SLC22A23: variants seen among roughly 807,000 people sequenced by gnomAD.
SLC22A23 encodes the protein solute carrier family 22 member 23, also known as ion transporter protein.
SLC22A23 carries 26 observed loss-of-function variants against 61.0 expected under a neutral mutation model. The ratio of observed to expected loss-of-function variants is 0.43; its 90% confidence interval spans 0.31 to 0.59. The LOEUF is 0.59. Ranked by LOEUF, SLC22A23 falls within the 20% of genes least tolerant of loss-of-function variation. The pLI is 0.11. For missense variants in SLC22A23, 796 were observed against 934.7 expected (o/e 0.85, Z 1.94); for synonymous variants, 430 against 413.9 (o/e 1.04, Z -0.47).
rs2127391511 is a variant in SLC22A23 at position 3,318,147 on chromosome 6, C to T, written c.1082+5687G>A. On this transcript the variant is annotated intron_variant, in intron 4 of 9. Transcript: ENST00000406686. This position sits in a 1 kb window ranked among gnomAD's most constrained non-coding sequence, Gnocchi z 4.3. ...CCCTGGGGGTCACTTCATTCCAGAA[C>T]TCTGCAACCCTGCGGCTGCTGCCTA... Among the ~76,000 whole-genome samples, 1 of 152,322 alleles carries T rather than the reference C, an allele frequency of 6.6e-6. No homozygotes were observed. The highest frequency in any genetic ancestry group is 2.1e-4 in the South Asian group (1 of 4,832).
chr6:3,402,669 C>T (rs886571280), intron 3 of SLC22A23, among the ~76,000 whole-genome samples: 3 of 119,200 alleles, frequency 2.5e-5, no homozygotes, highest in Non-Finnish European at 3.6e-5. Context: ...ATAGCAAACA[C>T]CTATTCTCCC....
At chr6:3,284,474 G>A (rs545127143) in intron 8 of SLC22A23, among the ~76,000 whole-genome samples, 1 of 152,328 alleles carries the variant, frequency 6.6e-6, no homozygotes, top group Non-Finnish European at 1.5e-5. Flanking sequence ...CCGACCTCGC[G>A]CCAGGACAGG....
intron 9 of SLC22A23, 44 bp from the exon 10 acceptor site, chr6:3,273,456 G>A (rs762466633): frequency 5.6e-6 from 9 of 1,598,750 alleles, no homozygotes; most frequent in Middle Eastern, 1.8e-4. Flanking sequence ...GTGGGCTAGC[G>A]GGCTGGATCC....
At chr6:3,277,136 G>A (rs115850320) in intron 9 of SLC22A23, among the ~76,000 whole-genome samples, 2 of 152,156 alleles carry the variant, frequency 1.3e-5, no homozygotes, top group South Asian at 4.1e-4. Context: ...CAGGGTCTAG[G>A]GGGCAGCTGG....
intron 1 of SLC22A23, among the ~76,000 whole-genome samples, chr6:3,419,517 G>A (rs1769975455): frequency 6.6e-6 from 1 of 152,182 alleles, no homozygotes; most frequent in South Asian, 2.1e-4. Context: ...CCTGAGTTAG[G>A]AAGAGAGTTC....
At chr6:3,434,001 T>C (rs1020985933) in intron 1 of SLC22A23, among the ~76,000 whole-genome samples, 17 of 152,166 alleles carry the variant, frequency 1.1e-4, no homozygotes, top group Admixed American at 3.3e-4. Flanking sequence ...TACTATGTGG[T>C]CATTATGCCT....
At chr6:3,352,496 C>G (rs1764834178) in intron 3 of SLC22A23, among the ~76,000 whole-genome samples, 1 of 152,168 alleles carries the variant, frequency 6.6e-6, no homozygotes, top group Non-Finnish European at 1.5e-5. Flanking sequence ...GGCATACTTG[C>G]AGACACACAA....
chr6:3,357,002 T>C (rs906626730), intron 3 of SLC22A23, among the ~76,000 whole-genome samples: 15 of 122,906 alleles, frequency 1.2e-4, no homozygotes, highest in Admixed American at 6.7e-4. Context: ...ATAAAGACAA[T>C]TTTAAAGCAG....
intron 6 of SLC22A23, among the ~76,000 whole-genome samples, chr6:3,288,335 T>C (rs369763588): frequency 1.7e-4 from 26 of 152,344 alleles, no homozygotes; most frequent in African/African-American, 6.0e-4. Flanking sequence ...ACCTTGAGAA[T>C]GCATCAAGGT....
At chr6:3,405,824 C>A (rs529142791) in intron 3 of SLC22A23, among the ~76,000 whole-genome samples, 1 of 152,294 alleles carries the variant, frequency 6.6e-6, no homozygotes, top group East Asian at 1.9e-4. Flanking sequence ...CAGCACCCCA[C>A]CCAGAGCAAA....
intron 1 of SLC22A23, among the ~76,000 whole-genome samples, chr6:3,418,023 G>A (rs573012392): frequency 4.6e-5 from 7 of 152,214 alleles, no homozygotes; most frequent in East Asian, 1.9e-4. Context: ...GCCTTAAAAC[G>A]TGAGTGACAG....
intron 4 of SLC22A23, 101 bp downstream of exon 4, chr6:3,323,733 A>G (rs914846504): frequency 1.1e-5 from 15 of 1,308,514 alleles, no homozygotes; most frequent in Non-Finnish European, 1.4e-5. Context: ...ACAAGCTGCA[A>G]CTAGTGGGAA....
chr6:3,335,220 A>G (rs1763783886), intron 3 of SLC22A23, among the ~76,000 whole-genome samples: 1 of 152,166 alleles, frequency 6.6e-6, no homozygotes, highest in Admixed American at 6.5e-5. Context: ...AGCAGGTGGG[A>G]GCAGTAAGAG....
rs113950775 is a variant in SLC22A23 at position 3,293,804 on chromosome 6, T to A, written c.1211-3938A>T. On this transcript the variant is annotated intron_variant, in intron 5 of 9. Transcript: ENST00000406686. The stretch of plus-strand genomic sequence containing the variant: ...TCGTCATCTTAGGATCTGAACAGAT[T>A]GTTAAGGCAGAGTGAGGCAGGCCAG... Among the ~76,000 whole-genome samples, 6 of 152,288 alleles carry A rather than the reference T, an allele frequency of 3.9e-5. No homozygotes were observed. In the South Asian group the frequency reaches 1.2e-3, roughly 32 times the overall value.
At position 3,390,692 on chromosome 6, in the gene SLC22A23, T is replaced by A. The variant is rs1767607796; in HGVS notation, c.913+19496A>T. 6.6e-6 allele frequency among the ~76,000 whole-genome samples: 1 copy of A among 152,230 alleles called. No homozygotes were observed. Among genetic ancestry groups the A allele is most frequent in the African/African-American group, 2.4e-5 (1 of 41,456 alleles). On this transcript the variant is annotated intron_variant, in intron 3 of 9. Coordinates refer to ENST00000406686, the MANE Select transcript of SLC22A23 (RefSeq NM_015482.2). The surrounding 1 kb of genome is among the most constrained non-coding windows in gnomAD (Gnocchi z 4.0). ...CAATGCACCAAAAGCTGGCTGCCAC[T>A]CAGCATCTCTGAGCCTGGTATGTAT... is the stretch of plus-strand genomic sequence containing the variant.
intron 3 of SLC22A23, among the ~76,000 whole-genome samples, chr6:3,368,668 G>GCA (rs962864097): frequency 2.6e-5 from 4 of 152,202 alleles, no homozygotes; most frequent in Admixed American, 2.6e-4. Flanking sequence ...AATAAGTTAT[G>GCA]CACACACACA....
At chr6:3,283,698 G>T in intron 9 of SLC22A23, 154 bp downstream of exon 9, 1 of 1,396,676 alleles carries the variant, frequency 7.2e-7, no homozygotes, top group Non-Finnish European at 9.7e-7. Context: ...TCGGGGTTGG[G>T]TCCAACAGCC....
chr6:3,394,333 T>A (rs1767866252), intron 3 of SLC22A23, among the ~76,000 whole-genome samples: 1 of 152,144 alleles, frequency 6.6e-6, no homozygotes, highest in South Asian at 2.1e-4. Flanking sequence ...ATAATTCCTG[T>A]ATGTGGTTGG....
intron 3 of SLC22A23, among the ~76,000 whole-genome samples, chr6:3,345,367 T>TTC (rs1561912623): frequency 6.8e-6 from 1 of 147,440 alleles, no homozygotes; most frequent in African/African-American, 2.5e-5. Context: ...TCTTTTCTTT[T>TTC]TTTTTTTTTT....
Sources: allele counts gnomAD v4.1 joint callset (sites outside exome capture counted in the v4.1 genomes callset), GRCh38; gene constraint gnomAD v4.1.1; non-coding constraint Gnocchi (gnomAD v3.1); transcripts MANE v1.5; gene names NCBI Gene and HGNC (gene_info 2026-07-23, HGNC 2026-07-21).